Variants in RTTN observed in about 807,000 individuals in gnomAD.
RTTN encodes the protein rotatin.
Under a neutral mutation model 269.2 loss-of-function variants are expected in RTTN, and 182 were observed. The observed-to-expected ratio is 0.68, with a 90% CI of 0.60 to 0.76. RTTN has a LOEUF of 0.76. Ranked by LOEUF, RTTN falls within the 30% of genes least tolerant of loss-of-function variation. The pLI is 0.00. For missense variants in RTTN, 2,545 were observed against 2,608.6 expected (o/e 0.98, Z 0.53); for synonymous variants, 1,006 against 963.5 (o/e 1.04, Z -0.82).
At position 70,109,508 on chromosome 18, in the gene RTTN, C is replaced by G; in HGVS notation, c.3893G>C (p.Gly1298Ala). ...GCTATTTTTACTTACCTCAAGGAGACCTGACAAGTACTTCACACAGATATC... is the reference window on the plus strand; with the variant it reads ...GCTATTTTTACTTACCTCAAGGAGAGCTGACAAGTACTTCACACAGATATC... ...PLDICVKYLS[G>A]LLEVITSFYV... is the part of the protein sequence containing the mutation. Residue 1298 changes from glycine (G) to alanine (A), a missense_variant, in exon 28 of 49, where the codon GGT becomes GCT. Coordinates refer to ENST00000640769, the MANE Select transcript of RTTN (RefSeq NM_173630.4). The G allele has an allele frequency of 1.2e-6, 2 of 1,613,644 alleles. No individual in the cohort carries two copies. Among genetic ancestry groups the G allele is most frequent in the Non-Finnish European group, 1.7e-6 (2 of 1,179,780 alleles).
In RTTN at chr18:70,193,399, T is replaced by C. The variant is rs2061728162; in HGVS notation, c.896A>G (p.His299Arg). 1 of 1,605,054 alleles carries C rather than the reference T, an allele frequency of 6.2e-7. No homozygotes were observed. ...LSYCHEARGT[H>R]HSQNPSPGSS... is the part of the protein sequence containing the mutation. The stretch of plus-strand genomic sequence containing the variant: ...TCCTGGGGAAGGATTCTGGGAATGA[T>C]GAGTACCTCTTGCTTCATGACAATA... The change falls in exon 8 of 49, where the codon CAT becomes CGT. Residue 299 changes from histidine (H) to arginine (R), a missense_variant. Coordinates refer to ENST00000640769, the MANE Select transcript of RTTN (RefSeq NM_173630.4).
At chr18:70,142,457 A>G in intron 18 of RTTN, 70 bp from the exon 19 acceptor site, 1 of 894,570 alleles carries the variant, frequency 1.1e-6, no homozygotes, top group Non-Finnish European at 1.8e-6. Flanking sequence ...AAGATTTTAT[A>G]GTTTGTGCCC....
Position 70,017,580 on chromosome 18 carries a change from A to G in RTTN, c.6248T>C (p.Leu2083Pro). 2 of 1,614,040 alleles carry G rather than the reference A, an allele frequency of 1.2e-6. No homozygotes were observed. Among genetic ancestry groups the G allele is most frequent in the Non-Finnish European group, 1.7e-6 (2 of 1,179,900 alleles). ...NLTILWLKLL[L>P]NISSGEDGQQ... ...CCCATCTTCTCCAGATGATATATTCAGGAGTAACTTCAACCAAAGAATAGT... is the reference window on the plus strand; with the variant it reads ...CCCATCTTCTCCAGATGATATATTCGGGAGTAACTTCAACCAAAGAATAGT... Residue 2083 changes from leucine to proline, a missense_variant, in exon 46 of 49, where the codon CTG becomes CCG. Leu to Pro is a moderately conservative substitution (Grantham distance 98). Coordinates refer to ENST00000640769, the MANE Select transcript of RTTN (RefSeq NM_173630.4).
intron 11 of RTTN, among the ~76,000 whole-genome samples, chr18:70,171,546 A>G (rs775132537): frequency 2.0e-5 from 3 of 152,244 alleles, no homozygotes; most frequent in Non-Finnish European, 4.4e-5. Flanking sequence ...TAATGTCATT[A>G]GCTAATCTTT....
intron 35 of RTTN, among the ~76,000 whole-genome samples, chr18:70,062,459 C>T (rs116453200): frequency 0.013 from 1,979 of 152,170 alleles, 25 homozygotes; most frequent in South Asian, 0.038. Context: ...AATAGATACA[C>T]GTATTTTAAA....
chr18:70,078,943 GA>G (rs2058494907), intron 32 of RTTN, among the ~76,000 whole-genome samples: 1 of 152,092 alleles, frequency 6.6e-6, no homozygotes, highest in Admixed American at 6.6e-5. Flanking sequence ...ACAAAACCAG[GA>G]AGAGCAAGTG....
chr18:70,035,439 T>C (rs2057143135), intron 40 of RTTN, among the ~76,000 whole-genome samples: 1 of 152,104 alleles, frequency 6.6e-6, no homozygotes, highest in African/African-American at 2.4e-5. Flanking sequence ...TAGACAAACC[T>C]GACAAAAACA....
At chr18:70,138,448 T>C (rs1260539137) in intron 21 of RTTN, 1 of 152,200 alleles carries the variant, frequency 6.6e-6, no homozygotes, top group Admixed American at 6.5e-5. Context: ...AAATGTGCTT[T>C]TGAATCCAGT....
chr18:70,191,089 G>A (rs527604183), intron 8 of RTTN, among the ~76,000 whole-genome samples: 39 of 152,226 alleles, frequency 2.6e-4, no homozygotes, highest in Admixed American at 2.5e-3. Context: ...AGCTACTGGG[G>A]AGGCTGAGGC....
At chr18:70,064,729 A>G (rs1052933674) in intron 35 of RTTN, among the ~76,000 whole-genome samples, 1 of 152,182 alleles carries the variant, frequency 6.6e-6, no homozygotes, top group African/African-American at 2.4e-5. Flanking sequence ...GTTTTTTTGC[A>G]AGATGATGGA....
intron 26 of RTTN, among the ~76,000 whole-genome samples, chr18:70,120,902 T>C (rs1291106355): frequency 6.6e-6 from 1 of 151,770 alleles, no homozygotes; most frequent in Non-Finnish European, 1.5e-5. Flanking sequence ...AATACAAAAA[T>C]TAGCTGGGCG....
rs550347625 is a variant in RTTN, at chr18:70,151,633, G to C, written c.1930-900C>G. Reference sequence around the variant, plus strand: ...ACTTCATGCCACAGACAGCAACTTCGTTCATATTACAAGGTTTTCAAAGAT... The same window carrying C: ...ACTTCATGCCACAGACAGCAACTTCCTTCATATTACAAGGTTTTCAAAGAT... On this transcript the variant is annotated intron_variant, in intron 14 of 48. Coordinates refer to ENST00000640769, the MANE Select transcript of RTTN (RefSeq NM_173630.4). 2.0e-5 allele frequency among the ~76,000 whole-genome samples: 3 copies of C among 152,026 alleles called. No homozygotes were observed. The South Asian group carries it at 6.2e-4, about 32-fold the overall frequency.
chr18:70,100,500 A>C, intron 28 of RTTN, among the ~76,000 whole-genome samples: 1 of 152,246 alleles, frequency 6.6e-6, no homozygotes, highest in East Asian at 1.9e-4. Flanking sequence ...GGGTTTTCTA[A>C]ATATACAATC....
At chr18:70,185,127 G>A (rs532374199) in intron 10 of RTTN, among the ~76,000 whole-genome samples, 2 of 151,926 alleles carry the variant, frequency 1.3e-5, no homozygotes, top group African/African-American at 4.8e-5. Flanking sequence ...AACAAATAGT[G>A]CTGAGAAAAT....
At chr18:70,046,140 C>T (rs1018679855) in intron 40 of RTTN, among the ~76,000 whole-genome samples, 2 of 151,960 alleles carry the variant, frequency 1.3e-5, no homozygotes, top group Admixed American at 6.6e-5. Context: ...CATCAGAGAC[C>T]CTTCAAACAC....
At position 70,097,285 on chromosome 18, in the gene RTTN, C is replaced by T. The variant is rs889715561; in HGVS notation, c.3904-4481G>A. The stretch of plus-strand genomic sequence containing the variant: ...CTAATCTTTTATTAGAAATATGGCT[C>T]CCTTCCAAAAAGGAAACAGCTTTAA... On this transcript the variant is annotated intron_variant, in intron 28 of 48. Transcript: ENST00000640769. 3.9e-5 allele frequency among the ~76,000 whole-genome samples: 6 copies of T among 152,152 alleles called. No homozygotes were observed. In the South Asian group the frequency reaches 1.2e-3, roughly 31 times the overall value.
chr18:70,080,067 T>A (rs969789693), intron 32 of RTTN, among the ~76,000 whole-genome samples: 36 of 152,062 alleles, frequency 2.4e-4, no homozygotes, highest in African/African-American at 8.4e-4. Context: ...TGATATCAGT[T>A]TACCAAGTAC....
intron 14 of RTTN, among the ~76,000 whole-genome samples, chr18:70,160,577 C>T (rs1165093016): frequency 7.0e-6 from 1 of 142,952 alleles, no homozygotes; most frequent in Non-Finnish European, 1.5e-5. Flanking sequence ...CTAGCCAGAT[C>T]AATCAGGCAA....
chr18:70,184,716 T>TTTTTGTGTGTGTGTG (rs59000945), intron 10 of RTTN, among the ~76,000 whole-genome samples: 23 of 33,454 alleles, frequency 6.9e-4, no homozygotes, highest in Admixed American at 1.3e-3. Context: ...TTTTTTTTTT[T>TTTTTGTGTGTGTGTG]TGTGTGTGTG....
Sources: gnomAD v4.1 joint callset for allele counts (sites outside exome capture counted in the v4.1 genomes callset) on GRCh38, gnomAD v4.1.1 for gene constraint, MANE v1.5 for transcripts, NCBI Gene and HGNC (gene_info 2026-07-23, HGNC 2026-07-21) for gene names.